Variants in UHRF1 observed in about 807,000 individuals in gnomAD.
UHRF1 encodes ubiquitin like with PHD and ring finger domains 1, also known as E3 ubiquitin-protein ligase UHRF1.
UHRF1 carries 9 observed loss-of-function variants against 96.5 expected under a neutral mutation model. That is an observed-to-expected ratio of 0.09 (90% CI 0.06 to 0.16). The LOEUF is 0.16. UHRF1 is among the 10% of genes least tolerant of loss of function. The probability of loss-of-function intolerance (pLI) is 1.00; values close to 1 mark genes in which losing one functional copy is unlikely to be tolerated. For missense variants in UHRF1, 626 were observed against 1,131.1 expected (o/e 0.55, Z 6.40); for synonymous variants, 455 against 469.9 (o/e 0.97, Z 0.41).
chr19:4,957,299 T>G (rs971633735), intron 16 of UHRF1, among the ~76,000 whole-genome samples: 1 of 9,092 alleles, frequency 1.1e-4, no homozygotes, highest in African/African-American at 2.1e-4. Flanking sequence ...AGCTGATGGT[T>G]TTTTTTTTTT....
intron 2 of UHRF1, among the ~76,000 whole-genome samples, chr19:4,924,692 T>G (rs1356646050): frequency 6.6e-6 from 1 of 152,234 alleles, no homozygotes; most frequent in African/African-American, 2.4e-5. Flanking sequence ...CCAACAGGCA[T>G]AGCCGCCCCC....
In UHRF1 at chr19:4,916,384, G is replaced by A. The variant is rs2032502293; in HGVS notation, c.153+5346G>A. On this transcript the variant is annotated intron_variant, in intron 2 of 16. Transcript: ENST00000650932. The stretch of plus-strand genomic sequence containing the variant: ...GACAAGCGCGCCCCCTCTTTTAGCT[G>A]TCAACATGGCGGAGCCGTCCCTGGT... Among the ~76,000 whole-genome samples, 3 of 151,750 alleles carry A rather than the reference G, an allele frequency of 2.0e-5. No homozygotes were observed. The South Asian group carries it at 6.2e-4, about 32-fold the overall frequency.
At chr19:4,928,110 C>T (rs17884501) in intron 2 of UHRF1, among the ~76,000 whole-genome samples, 8,810 of 152,122 alleles carry the variant, frequency 0.058, 832 homozygotes, top group African/African-American at 0.2. Context: ...TCACACCCCC[C>T]CACCCCATAC....
chr19:4,914,779 G>A (rs918362395), intron 2 of UHRF1, among the ~76,000 whole-genome samples: 9 of 151,754 alleles, frequency 5.9e-5, no homozygotes, highest in Non-Finnish European at 1.0e-4. Flanking sequence ...CCCGCGACTC[G>A]CCAGCTCCCA....
At chr19:4,953,103 G>C (rs17880633) in intron 13 of UHRF1, among the ~76,000 whole-genome samples, 2 of 152,084 alleles carry the variant, frequency 1.3e-5, no homozygotes, top group Admixed American at 6.6e-5. Flanking sequence ...CATTAAATGC[G>C]CTTACCCCGA....
At chr19:4,940,752 A>G (rs2033367758) in intron 5 of UHRF1, among the ~76,000 whole-genome samples, 2 of 151,524 alleles carry the variant, frequency 1.3e-5, no homozygotes, top group African/African-American at 2.4e-5. Context: ...GGCTCACTTC[A>G]GCGTCTGCCT....
rs952256998 is a variant in UHRF1, at chr19:4,909,640, C to A, written c.-26C>A. The A allele has an allele frequency of 4.5e-5, 26 of 572,550 alleles. No homozygotes were observed. Among genetic ancestry groups the A allele is most frequent in the African/African-American group, 4.0e-4 (20 of 50,330 alleles). The allele number at this position is 572,550 out of a possible 1,614,324, so 35.5% of individuals were successfully genotyped here. ...CACGCGCGCAGGCAGACAAGCTGTT[C>A]GCGGCGACCGGAGAGGTGAGCGGGC... is the stretch of plus-strand genomic sequence containing the variant. On this transcript the variant is annotated 5_prime_UTR_variant, in exon 1 of 17. Coordinates refer to ENST00000650932, the MANE Select transcript of UHRF1 (RefSeq NM_001048201.3).
At chr19:4,912,172 G>A (rs1450721877) in intron 2 of UHRF1, among the ~76,000 whole-genome samples, 1 of 152,180 alleles carries the variant, frequency 6.6e-6, no homozygotes, top group East Asian at 1.9e-4. Context: ...CCCGGGAGGA[G>A]GCGATCTGGA....
intron 11 of UHRF1, among the ~76,000 whole-genome samples, chr19:4,948,967 C>CAAAAAAAAAAAAA (rs55757803): frequency 2.0e-5 from 1 of 51,176 alleles, no homozygotes. Context: ...ACTAAGAATA[C>CAAAAAAAAAAAAA]AAAAAAAAAA....
intron 5 of UHRF1, 22 bp from the exon 6 acceptor site, chr19:4,941,506 C>T: frequency 3.1e-6 from 5 of 1,597,958 alleles, no homozygotes; most frequent in Non-Finnish European, 4.3e-6. Flanking sequence ...CCAGAATGTT[C>T]CAGCGTCCTC....
At chr19:4,914,124 C>T (rs2032399453) in intron 2 of UHRF1, among the ~76,000 whole-genome samples, 2 of 151,820 alleles carry the variant, frequency 1.3e-5, no homozygotes, top group Admixed American at 6.6e-5. Context: ...TCGCATCCGG[C>T]CCCCATGCAG....
At position 4,954,632 on chromosome 19, in the gene UHRF1, C is replaced by CCCCTCCCTCACGT. The variant is rs1568184024; in HGVS notation, c.1958-18_1958-17insCCCTCCCTCACGT. The CCCCTCCCTCACGT allele has an allele frequency of 2.5e-6, 4 of 1,608,498 alleles. No homozygotes were observed. In the African/African-American group the frequency reaches 5.4e-5, roughly 22 times the overall value. The stretch of plus-strand genomic sequence containing the variant: ...TCGGGCCACGCGCCCCTCCCTCACG[C>CCCCTCCCTCACGT]GCCCCACCCTCTTCCAGGAGGTGGC... On this transcript the variant is annotated splice_polypyrimidine_tract_variant and intron_variant, in intron 14 of 16. Coordinates refer to ENST00000650932, the MANE Select transcript of UHRF1 (RefSeq NM_001048201.3). The surrounding 1 kb of genome is among the most constrained non-coding windows in gnomAD (Gnocchi z 5.9).
intron 5 of UHRF1, among the ~76,000 whole-genome samples, chr19:4,940,567 A>G (rs1201466907): frequency 6.6e-6 from 1 of 151,192 alleles, no homozygotes; most frequent in Admixed American, 6.6e-5. Flanking sequence ...GGGTTTCACT[A>G]TGTTGGCCAT....
At chr19:4,940,358 G>GTTTT (rs2033353512) in intron 5 of UHRF1, among the ~76,000 whole-genome samples, 6 of 85,144 alleles carry the variant, frequency 7.0e-5, no homozygotes, top group Non-Finnish European at 1.5e-4. Flanking sequence ...TTGCCTTTAT[G>GTTTT]ATTTTTTTTT....
chr19:4,944,142 G>T lies in UHRF1; in HGVS notation c.1084G>T (p.Glu362Ter). Residue 362 changes from glutamate (E) to a stop codon, truncating the protein, a stop_gained, in exon 8 of 17, where the codon GAG becomes TAG. Transcript: ENST00000650932. LOFTEE classifies it high-confidence loss of function. ...ATCCCGACCTCGCAGGTACTGCCCTGAGTGCCGGAATGATGCCAGCGAGGT... is the reference window on the plus strand; with the variant it reads ...ATCCCGACCTCGCAGGTACTGCCCTTAGTGCCGGAATGATGCCAGCGAGGT... ...VPSEDEWYCP[E>*]CRNDASEVVL... The T allele has an allele frequency of 6.2e-7, 1 of 1,613,900 alleles. No homozygotes were observed. The highest frequency in any genetic ancestry group is 8.5e-7 in the Non-Finnish European group (1 of 1,179,886).
At chr19:4,960,546 C>G (rs1462554836) in intron 16 of UHRF1, 111 bp from the exon 17 acceptor site, 3 of 1,457,132 alleles carry the variant, frequency 2.1e-6, no homozygotes, top group Non-Finnish European at 2.8e-6. Context: ...GACTGAAGGT[C>G]AGAGGGGCCT....
At chr19:4,941,463 A>G in intron 5 of UHRF1, 65 bp from the exon 6 acceptor site, 1 of 1,314,772 alleles carries the variant, frequency 7.6e-7, no homozygotes, top group Non-Finnish European at 1.1e-6. Context: ...GTGGTGTTCA[A>G]GTGCTGTGAG....
At chr19:4,955,556 C>T (rs1473860682) in intron 15 of UHRF1, among the ~76,000 whole-genome samples, 1 of 152,096 alleles carries the variant, frequency 6.6e-6, no homozygotes, top group Non-Finnish European at 1.5e-5. Context: ...TCTCAGGATT[C>T]AGCTGTGGCC....
At position 4,940,514 on chromosome 19, in the gene UHRF1, G is replaced by A. The variant is rs928243469; in HGVS notation, c.786-1014G>A. The stretch of plus-strand genomic sequence containing the variant: ...CCCGAGTAGCTGGGATTACAGGCAC[G>A]GGCCACCATGCCCAGCTAATTCTTG... On this transcript the variant is annotated intron_variant, in intron 5 of 16. Coordinates refer to ENST00000650932, the MANE Select transcript of UHRF1 (RefSeq NM_001048201.3). 1.3e-4 allele frequency among the ~76,000 whole-genome samples: 20 copies of A among 151,252 alleles called. 1 individual carries two copies. Among genetic ancestry groups the A allele is most frequent in the Admixed American group, 1.1e-3 (16 of 15,156 alleles).
Sources: allele counts gnomAD v4.1 joint callset (sites outside exome capture counted in the v4.1 genomes callset), GRCh38; gene constraint gnomAD v4.1.1; non-coding constraint Gnocchi (gnomAD v3.1); transcripts MANE v1.5; gene names NCBI Gene and HGNC (gene_info 2026-07-23, HGNC 2026-07-21).